SLC26A8: variants seen among roughly 807,000 people sequenced by gnomAD.
The protein encoded by SLC26A8 is testis anion transporter 1.
Under a neutral mutation model 105.0 loss-of-function variants are expected in SLC26A8, and 70 were observed. That is an observed-to-expected ratio of 0.67 (90% CI 0.55 to 0.81). SLC26A8 has a LOEUF of 0.81. Ranked by LOEUF, SLC26A8 falls within the 40% of genes least tolerant of loss-of-function variation. The pLI, the probability that SLC26A8 is intolerant of heterozygous loss-of-function variation, is 0.00. For missense variants in SLC26A8, 998 were observed against 1,181.8 expected (o/e 0.84, Z 2.28); for synonymous variants, 415 against 438.3 (o/e 0.95, Z 0.66).
At chr6:35,983,006 G>C (rs1484195571) in intron 7 of SLC26A8, among the ~76,000 whole-genome samples, 1 of 152,178 alleles carries the variant, frequency 6.6e-6, no homozygotes, top group Non-Finnish European at 1.5e-5. Flanking sequence ...GATTAAACCA[G>C]AGACAAGAGA....
At chr6:35,991,024 G>A (rs1422645663) in intron 7 of SLC26A8, among the ~76,000 whole-genome samples, 2 of 152,162 alleles carry the variant, frequency 1.3e-5, no homozygotes, top group South Asian at 4.1e-4. Context: ...ATGTGTACTT[G>A]CAATTGCTAA....
intron 7 of SLC26A8, among the ~76,000 whole-genome samples, chr6:35,984,468 G>A (rs907111267): frequency 1.3e-5 from 2 of 151,602 alleles, no homozygotes; most frequent in East Asian, 1.9e-4. Flanking sequence ...GACTACAGGC[G>A]TGCACCACTA....
chr6:36,019,461 T>G, intron 2 of SLC26A8, 59 bp downstream of exon 2: 3 of 1,502,710 alleles, frequency 2.0e-6, no homozygotes, highest in East Asian at 2.4e-5. Context: ...CCCAAAGGAG[T>G]CAGGTTAGGT....
chr6:35,974,728 G>GA (rs1397896988), intron 10 of SLC26A8, among the ~76,000 whole-genome samples: 1 of 152,024 alleles, frequency 6.6e-6, no homozygotes, highest in African/African-American at 2.4e-5. Context: ...AAGTTTACCA[G>GA]AAATATTCTT....
rs143407739 is a variant in SLC26A8, at chr6:35,955,356, C to G, written c.2028G>C (p.Gln676His). 22 of 1,614,116 alleles carry G rather than the reference C, an allele frequency of 1.4e-5. No individual in the cohort carries two copies. Among genetic ancestry groups the G allele is most frequent in the Non-Finnish European group, 1.9e-5 (22 of 1,180,050 alleles). The change falls in exon 17 of 20, where the codon CAG (glutamine) becomes CAC (histidine). Residue 676 changes from glutamine (Q) to histidine (H), a missense_variant. Transcript: ENST00000490799. ...GCCAAACTTCCTCCACCTCCTCATACTGTTGCCCTTGATTTTTCTGAGACA... is the reference window on the plus strand; with the variant it reads ...GCCAAACTTCCTCCACCTCCTCATAGTGTTGCCCTTGATTTTTCTGAGACA... ...SSVSQKNQGQ[Q>H]YEEVEEVWLP... is the part of the protein sequence containing the mutation.
At position 35,959,518 on chromosome 6, in the gene SLC26A8, T is replaced by C. The variant is rs186939060; in HGVS notation, c.1805A>G (p.Gln602Arg). The change falls in exon 16 of 20, where the codon CAA becomes CGA. Residue 602 changes from glutamine (Q) to arginine (R), a missense_variant. Transcript: ENST00000490799. The part of the protein sequence containing the change: ...SLFNSSDTNL[Q>R]GGKICRCFCN... ...GAAACACCTGCAAATCTTTCCTCCT[T>C]GTAGATTGGTGTCACTTGAATTAAA... The C allele has an allele frequency of 1.7e-5, 28 of 1,613,956 alleles. No homozygotes were observed. The highest frequency in any genetic ancestry group is 2.2e-5 in the Non-Finnish European group (26 of 1,179,994).
intron 9 of SLC26A8, among the ~76,000 whole-genome samples, 172 bp from the exon 10 acceptor site, chr6:35,975,660 G>A (rs143540087): frequency 3.3e-5 from 5 of 151,770 alleles, no homozygotes; most frequent in African/African-American, 9.7e-5. Context: ...ACACCTATAA[G>A]CTCAACACTT....
At chr6:36,003,674 T>TC (rs1562064576) in intron 3 of SLC26A8, among the ~76,000 whole-genome samples, 1 of 151,044 alleles carries the variant, frequency 6.6e-6, no homozygotes, top group African/African-American at 2.4e-5. Flanking sequence ...TTTCTTTTTT[T>TC]TTTTTGAGAC....
At chr6:36,001,559 A>G (rs1407675176) in intron 3 of SLC26A8, among the ~76,000 whole-genome samples, 4 of 152,252 alleles carry the variant, frequency 2.6e-5, no homozygotes, top group Admixed American at 2.6e-4. Context: ...GGTTGCAAAA[A>G]GACTTTGGTT....
chr6:35,960,479 G>C (rs755622007), intron 14 of SLC26A8: 12 of 214,744 alleles, frequency 5.6e-5, no homozygotes, highest in Admixed American at 4.2e-4. Flanking sequence ...AACATGGTGA[G>C]ACCCTGTCTT....
intron 16 of SLC26A8, among the ~76,000 whole-genome samples, chr6:35,957,513 A>G (rs373191731): frequency 1.3e-5 from 2 of 152,110 alleles, no homozygotes; most frequent in East Asian, 1.9e-4. Context: ...GCTTGAGGTC[A>G]CTGGGGCCAG....
chr6:36,007,408 C>T (rs997164198), intron 3 of SLC26A8, among the ~76,000 whole-genome samples: 10 of 152,120 alleles, frequency 6.6e-5, no homozygotes, highest in African/African-American at 2.4e-4. Flanking sequence ...CACGTAGGAT[C>T]TCTATGCTGA....
intron 7 of SLC26A8, among the ~76,000 whole-genome samples, chr6:35,987,977 T>C (rs2127343982): frequency 6.6e-6 from 1 of 150,710 alleles, no homozygotes; most frequent in East Asian, 2.0e-4. Flanking sequence ...AGTGGCATGA[T>C]CTTGGCTCAC....
intron 2 of SLC26A8, 110 bp from the exon 3 acceptor site, chr6:36,012,482 C>T: frequency 3.3e-6 from 4 of 1,214,356 alleles, no homozygotes; most frequent in Non-Finnish European, 1.1e-6. Flanking sequence ...GTCTTGTCAG[C>T]ACTAATGAGA....
intron 17 of SLC26A8, chr6:35,954,707 G>A (rs1562018535): frequency 5.6e-6 from 1 of 179,090 alleles, no homozygotes; most frequent in Non-Finnish European, 1.2e-5. Flanking sequence ...AGCTTTGGTA[G>A]GCCGAGGTGC....
At chr6:36,022,605 G>A (rs1762153082) in intron 1 of SLC26A8, among the ~76,000 whole-genome samples, 1 of 152,130 alleles carries the variant, frequency 6.6e-6, no homozygotes, top group Non-Finnish European at 1.5e-5. Context: ...TCTAGGAGAT[G>A]TTATCAAGTC....
At chr6:35,959,631 G>A in intron 15 of SLC26A8, 40 bp from the exon 16 acceptor site, 1 of 1,608,650 alleles carries the variant, frequency 6.2e-7, no homozygotes, top group Non-Finnish European at 8.5e-7. Context: ...GAAGAATGGT[G>A]GAACAGAAGG....
chr6:35,998,660 G>T (rs375623230), intron 4 of SLC26A8, among the ~76,000 whole-genome samples: 18,233 of 151,860 alleles, frequency 0.12, 1,104 homozygotes, highest in Middle Eastern at 0.15. Context: ...TTCAAACATT[G>T]TTTTGTTTAG....
At chr6:35,962,746 G>A in intron 11 of SLC26A8, 125 bp from the exon 12 acceptor site, 1 of 740,618 alleles carries the variant, frequency 1.4e-6, no homozygotes, top group Non-Finnish European at 2.3e-6. Flanking sequence ...TATTTTATAT[G>A]AATACCATGT....
Sources: gnomAD v4.1 joint callset for allele counts (sites outside exome capture counted in the v4.1 genomes callset) on GRCh38, gnomAD v4.1.1 for gene constraint, MANE v1.5 for transcripts, NCBI Gene and HGNC (gene_info 2026-07-23, HGNC 2026-07-21) for gene names.